The following NAALADL2 variants were observed in gnomAD, a reference collection of about 807,000 sequenced individuals.
NAALADL2 encodes the protein inactive N-acetylated-alpha-linked acidic dipeptidase-like protein 2.
Under a neutral mutation model 87.2 loss-of-function variants are expected in NAALADL2, and 76 were observed. The ratio of observed to expected loss-of-function variants is 0.87; its 90% CI spans 0.72 to 1.05. The LOEUF (loss-of-function observed/expected upper bound fraction) is 1.05. Among genes scored for constraint, NAALADL2 ranks in the 50% least tolerant of loss-of-function variants. NAALADL2 has a pLI of 0.00. For missense variants in NAALADL2, 1,089 were observed against 945.8 expected (o/e 1.15, Z -1.99); for synonymous variants, 354 against 331.0 (o/e 1.07, Z -0.75).
chr3:174,811,417 A>G (rs1720192527), intron 3 of NAALADL2, among the ~76,000 whole-genome samples: 1 of 152,160 alleles, frequency 6.6e-6, no homozygotes, highest in Non-Finnish European at 1.5e-5. Context: ...TATGCCCTGG[A>G]TGTGAGACAT....
chr3:175,683,731 C>G (rs566322860), intron 11 of NAALADL2, among the ~76,000 whole-genome samples: 15 of 151,894 alleles, frequency 9.9e-5, no homozygotes, highest in Non-Finnish European at 2.2e-4. Flanking sequence ...GTTTCTGATT[C>G]TTTGTTATTT....
chr3:174,807,318 C>T (rs1346289458), intron 3 of NAALADL2, among the ~76,000 whole-genome samples: 2 of 151,934 alleles, frequency 1.3e-5, no homozygotes, highest in East Asian at 1.9e-4. Context: ...AAAAAAACAC[C>T]GATAACTCTA....
intron 3 of NAALADL2, chr3:175,242,419 A>G (rs528954485): frequency 9.2e-5 from 14 of 152,310 alleles, no homozygotes; most frequent in African/African-American, 3.4e-4. Flanking sequence ...GTCTTTCCAG[A>G]ACTAGAGAGA....
chr3:175,706,095 G>A (rs527427126), intron 11 of NAALADL2, among the ~76,000 whole-genome samples: 4 of 152,204 alleles, frequency 2.6e-5, no homozygotes, highest in Non-Finnish European at 4.4e-5. Context: ...CCATGAAGCA[G>A]CATGAAGAAG....
chr3:175,649,556 A>G (rs536058005), intron 11 of NAALADL2, among the ~76,000 whole-genome samples: 275 of 152,252 alleles, frequency 1.8e-3, no homozygotes, highest in Non-Finnish European at 2.4e-3. Context: ...GAGGGTTGGT[A>G]TCTGGTAAGA....
chr3:175,559,766 C>A (rs1266254570), intron 9 of NAALADL2, among the ~76,000 whole-genome samples: 1 of 152,206 alleles, frequency 6.6e-6, no homozygotes, highest in East Asian at 1.9e-4. Context: ...TTGCACCAAT[C>A]TTGTATCACT....
rs139488793 is a variant in NAALADL2 at position 175,186,517 on chromosome 3, A to T, written c.546-47414A>T. Among the ~76,000 whole-genome samples the T allele has an allele frequency of 3.2e-4, 48 of 152,276 alleles. No homozygotes were observed. In the East Asian group the frequency reaches 5.4e-3, roughly 17 times the overall value. On this transcript the variant is annotated intron_variant, in intron 2 of 13. Coordinates refer to ENST00000454872, the MANE Select transcript of NAALADL2 (RefSeq NM_207015.3). ...CATTTTGAAAACAACCAGGATTAGA[A>T]AGTAGCGACTATCCATTGTTGTAAA... is the stretch of plus-strand genomic sequence containing the variant.
intron 1 of NAALADL2, among the ~76,000 whole-genome samples, chr3:174,497,807 A>G (rs1420158310): frequency 1.3e-5 from 2 of 152,212 alleles, no homozygotes; most frequent in Non-Finnish European, 2.9e-5. Flanking sequence ...GACTTAGACT[A>G]AAATATGTGA....
At chr3:174,768,098 A>C (rs979461876) in intron 3 of NAALADL2, among the ~76,000 whole-genome samples, 1 of 152,198 alleles carries the variant, frequency 6.6e-6, no homozygotes, top group Non-Finnish European at 1.5e-5. Flanking sequence ...GGTGGGGAAA[A>C]GAGGTTTTGG....
chr3:174,660,837 C>T (rs1428746542), intron 2 of NAALADL2, among the ~76,000 whole-genome samples: 2 of 152,028 alleles, frequency 1.3e-5, no homozygotes, highest in South Asian at 2.1e-4. Flanking sequence ...ATAAAAGCCA[C>T]GGACCCAGAG....
intron 1 of NAALADL2, among the ~76,000 whole-genome samples, chr3:174,445,524 G>GT (rs1714990045): frequency 6.6e-6 from 1 of 152,014 alleles, no homozygotes; most frequent in Admixed American, 6.6e-5. Flanking sequence ...TGATTGTATA[G>GT]TTTTTTACGT....
chr3:174,880,901 C>T (rs1729106697), intron 1 of NAALADL2, among the ~76,000 whole-genome samples: 1 of 152,102 alleles, frequency 6.6e-6, no homozygotes, highest in Non-Finnish European at 1.5e-5. Context: ...TGCCCCTTCT[C>T]TTAGATTCTG....
At chr3:175,496,760 A>G (rs149795405) in intron 9 of NAALADL2, among the ~76,000 whole-genome samples, 4,892 of 151,862 alleles carry the variant, frequency 0.032, 284 homozygotes, top group African/African-American at 0.11. Flanking sequence ...GGGTTTTACC[A>G]TGTTGTCCAG....
chr3:175,296,315 C>G (rs554151380), intron 4 of NAALADL2, among the ~76,000 whole-genome samples: 1 of 152,270 alleles, frequency 6.6e-6, no homozygotes, highest in East Asian at 1.9e-4. Context: ...CCTGCTCAAA[C>G]TGCCAATAAT....
At chr3:174,711,174 C>T (rs1730587763) in intron 2 of NAALADL2, among the ~76,000 whole-genome samples, 1 of 152,130 alleles carries the variant, frequency 6.6e-6, no homozygotes, top group Admixed American at 6.5e-5. Context: ...AAAGAAATAG[C>T]CTTTTACCTT....
chr3:174,513,294 A>G (rs1217662923), intron 1 of NAALADL2, among the ~76,000 whole-genome samples: 1 of 152,130 alleles, frequency 6.6e-6, no homozygotes, highest in African/African-American at 2.4e-5. Flanking sequence ...TTTCAATGAC[A>G]TGCTGGTATT....
At chr3:175,746,130 A>G (rs2150110357) in intron 12 of NAALADL2, among the ~76,000 whole-genome samples, 1 of 152,154 alleles carries the variant, frequency 6.6e-6, no homozygotes, top group South Asian at 2.1e-4. Context: ...CTGTTCTTTG[A>G]ATAACTGACA....
intron 9 of NAALADL2, among the ~76,000 whole-genome samples, chr3:175,571,008 T>G (rs764941096): frequency 3.3e-5 from 5 of 152,142 alleles, no homozygotes; most frequent in Non-Finnish European, 7.3e-5. Flanking sequence ...GCATGTAGAG[T>G]AAATGCTTAT....
intron 9 of NAALADL2, among the ~76,000 whole-genome samples, chr3:175,508,376 T>A (rs1730649424): frequency 6.6e-6 from 1 of 152,178 alleles, no homozygotes; most frequent in Admixed American, 6.5e-5. Context: ...TGAACCTCTC[T>A]TTTTAGTGCC....
Sources: allele counts gnomAD v4.1 joint callset (sites outside exome capture counted in the v4.1 genomes callset), GRCh38; gene constraint gnomAD v4.1.1; transcripts MANE v1.5; gene names NCBI Gene and HGNC (gene_info 2026-07-23, HGNC 2026-07-21).